Variants in MEIKIN observed in about 807,000 individuals in gnomAD.
MEIKIN encodes meiotic kinetochore factor.
At chr5:131,933,426 G>A (rs1043365079) in intron 5 of MEIKIN, 87 bp downstream of exon 5, 9 of 386,798 alleles carry the variant, frequency 2.3e-5, no homozygotes, top group Admixed American at 8.9e-5. Flanking sequence ...ATGCCTTCTC[G>A]AAAGGGACGT....
At chr5:131,826,650 G>C (rs1231848430) in intron 11 of MEIKIN, among the ~76,000 whole-genome samples, 1 of 152,168 alleles carries the variant, frequency 6.6e-6, no homozygotes, top group East Asian at 1.9e-4. Flanking sequence ...GAGATGACTG[G>C]ATCCTGGAGG....
chr5:131,863,557 CTTTTTTTTTTTT>C (rs59435888), intron 9 of MEIKIN, among the ~76,000 whole-genome samples: 2 of 68,434 alleles, frequency 2.9e-5, no homozygotes, highest in African/African-American at 7.8e-5. Flanking sequence ...CTTCTTTGTC[CTTTTTTTTTTTT>C]TTTTTTTTTT....
At chr5:131,815,572 C>T (rs1773087227) in intron 12 of MEIKIN, among the ~76,000 whole-genome samples, 1 of 152,184 alleles carries the variant, frequency 6.6e-6, no homozygotes, top group South Asian at 2.1e-4. Flanking sequence ...GTTAAGACTG[C>T]CCCCAGTCAC....
chr5:131,865,251 G>A (rs2149621503), intron 9 of MEIKIN, among the ~76,000 whole-genome samples: 1 of 149,994 alleles, frequency 6.7e-6, no homozygotes, highest in Middle Eastern at 3.4e-3. Context: ...ATGGAGTCAT[G>A]CTCTGACGCC....
intron 5 of MEIKIN, among the ~76,000 whole-genome samples, chr5:131,927,571 T>C (rs1489392132): frequency 6.6e-6 from 1 of 152,232 alleles, no homozygotes. Flanking sequence ...TACTGAATTA[T>C]CCCACAATTA....
At chr5:131,847,861 A>C (rs556343795) in intron 11 of MEIKIN, among the ~76,000 whole-genome samples, 4 of 152,256 alleles carry the variant, frequency 2.6e-5, no homozygotes, top group Non-Finnish European at 5.9e-5. Flanking sequence ...CATTAAAAAA[A>C]ACCAGAGTTT....
intron 11 of MEIKIN, among the ~76,000 whole-genome samples, chr5:131,819,597 C>G (rs907776166): frequency 1.0e-5 from 1 of 99,004 alleles, no homozygotes; most frequent in Non-Finnish European, 2.5e-5. Context: ...ATAGAAACTT[C>G]CTTTTTTTTT....
chr5:131,869,569 AAAAAAC>A (rs1260202333), intron 9 of MEIKIN, among the ~76,000 whole-genome samples: 4 of 152,310 alleles, frequency 2.6e-5, no homozygotes, highest in South Asian at 2.1e-4. Flanking sequence ...GCCTTGTTAC[AAAAAAC>A]AAAAACAAAA....
intron 8 of MEIKIN, among the ~76,000 whole-genome samples, chr5:131,888,644 C>G (rs949845021): frequency 2.0e-5 from 3 of 152,020 alleles, no homozygotes; most frequent in Admixed American, 1.3e-4. Flanking sequence ...CAAAACTTTT[C>G]TTCCATTCTG....
chr5:131,907,688 A>G (rs551650672), intron 8 of MEIKIN, among the ~76,000 whole-genome samples: 56 of 151,676 alleles, frequency 3.7e-4, no homozygotes, highest in Non-Finnish European at 6.0e-4. Flanking sequence ...CCTGACCAAC[A>G]TGGTGAAACC....
chr5:131,876,341 G>C (rs1371950599), intron 9 of MEIKIN, among the ~76,000 whole-genome samples: 3 of 151,752 alleles, frequency 2.0e-5, no homozygotes, highest in Non-Finnish European at 2.9e-5. Context: ...CGAAGGATAT[G>C]AGCAGACACT....
chr5:131,884,692 C>G (rs1301587702), intron 8 of MEIKIN, among the ~76,000 whole-genome samples: 1 of 152,114 alleles, frequency 6.6e-6, no homozygotes, highest in Admixed American at 6.5e-5. Context: ...TAGATACCAG[C>G]TCAGCCACAG....
intron 5 of MEIKIN, among the ~76,000 whole-genome samples, chr5:131,922,868 T>G (rs2149648281): frequency 6.6e-6 from 1 of 152,302 alleles, no homozygotes; most frequent in South Asian, 2.1e-4. Flanking sequence ...TACAAGTCCC[T>G]TTCCTCATCT....
At chr5:131,899,492 T>C (rs1053033530) in intron 8 of MEIKIN, among the ~76,000 whole-genome samples, 4 of 149,118 alleles carry the variant, frequency 2.7e-5, no homozygotes, top group African/African-American at 1.0e-4. Context: ...ACACTGAATG[T>C]AAATGGGCTA....
intron 11 of MEIKIN, among the ~76,000 whole-genome samples, chr5:131,842,552 G>A (rs1749933594): frequency 6.6e-6 from 1 of 151,982 alleles, no homozygotes; most frequent in Non-Finnish European, 1.5e-5. Context: ...TGATTGCAAT[G>A]ATAATACGTT....
chr5:131,844,774 T>A (rs1037324746), intron 11 of MEIKIN, among the ~76,000 whole-genome samples: 4 of 152,136 alleles, frequency 2.6e-5, no homozygotes, highest in African/African-American at 9.7e-5. Flanking sequence ...AATTTTTTTC[T>A]TTTCTCCTTT....
chr5:131,917,811 A>G (rs1561754691), intron 6 of MEIKIN, among the ~76,000 whole-genome samples: 1 of 152,216 alleles, frequency 6.6e-6, no homozygotes, highest in East Asian at 1.9e-4. Flanking sequence ...CTCACCAATT[A>G]AGAGGAGACA....
At chr5:131,817,276 C>A (rs1773117803) in intron 12 of MEIKIN, among the ~76,000 whole-genome samples, 1 of 152,096 alleles carries the variant, frequency 6.6e-6, no homozygotes, top group South Asian at 2.1e-4. Flanking sequence ...TATCATGGAA[C>A]TTTTCAGCCT....
At chr5:131,838,305 T>C (rs182695437) in intron 11 of MEIKIN, among the ~76,000 whole-genome samples, 71 of 152,312 alleles carry the variant, frequency 4.7e-4, no homozygotes, top group South Asian at 1.4e-3. Flanking sequence ...GATATTGGTC[T>C]GAAGTTTTCT....
Sources: allele counts gnomAD v4.1 joint callset (sites outside exome capture counted in the v4.1 genomes callset), GRCh38; gene constraint gnomAD v4.1.1; transcripts MANE v1.5; gene names NCBI Gene and HGNC (gene_info 2026-07-23, HGNC 2026-07-21).